The following ATP2B2 variants were observed in gnomAD, a reference collection of about 807,000 sequenced individuals.
The protein encoded by ATP2B2 is plasma membrane calcium-transporting ATPase 2.
Under a neutral mutation model 120.0 loss-of-function variants are expected in ATP2B2, and 15 were observed. The ratio of observed to expected loss-of-function variants is 0.12; its 90% confidence interval spans 0.08 to 0.19. ATP2B2 has a LOEUF of 0.19. Among genes scored for constraint, ATP2B2 ranks in the 10% least tolerant of loss-of-function variants. The pLI is 1.00. For synonymous variants in ATP2B2, 694 were observed against 700.3 expected, an observed-to-expected ratio of 0.99 and a Z score of 0.14; for missense variants, 1,045 against 1,719.8, an observed-to-expected ratio of 0.61 and a Z score of 6.94.
intron 1 of ATP2B2, among the ~76,000 whole-genome samples, chr3:10,479,533 G>A (rs527992749): frequency 6.6e-6 from 1 of 152,022 alleles, no homozygotes; most frequent in African/African-American, 2.4e-5. Context: ...TGGATTGTTT[G>A]ATTTTAGATC....
chr3:10,585,516 A>AAAAAAAAAAAAAAC (rs2068490176), intron 2 of ATP2B2, among the ~76,000 whole-genome samples: 2 of 150,120 alleles, frequency 1.3e-5, no homozygotes, highest in South Asian at 2.1e-4. Flanking sequence ...AAAAAAAAAA[A>AAAAAAAAAAAAAAC]AGATCCAGTG....
chr3:10,695,236 A>AAAGG, intron 1 of ATP2B2, among the ~76,000 whole-genome samples: 1 of 102,518 alleles, frequency 9.8e-6, no homozygotes, highest in Non-Finnish European at 1.8e-5. Flanking sequence ...GGTAGCAGGC[A>AAAGG]AAGGAGGGAG....
chr3:10,443,267 G>C (rs1230560050), intron 2 of ATP2B2, among the ~76,000 whole-genome samples: 1 of 152,048 alleles, frequency 6.6e-6, no homozygotes, highest in African/African-American at 2.4e-5. Flanking sequence ...ACACAGTACA[G>C]ACCTTCCATT....
chr3:10,707,052 G>A (rs1253316549), intron 1 of ATP2B2, among the ~76,000 whole-genome samples: 5 of 152,242 alleles, frequency 3.3e-5, no homozygotes, highest in African/African-American at 1.2e-4. Context: ...GTCCTCCTGA[G>A]GCCTCAGGGC....
chr3:10,521,055 C>T (rs1476657860), intron 3 of ATP2B2, among the ~76,000 whole-genome samples: 4 of 152,224 alleles, frequency 2.6e-5, no homozygotes, highest in Non-Finnish European at 4.4e-5. Flanking sequence ...GTCTGCATTT[C>T]GTGCAAGGTA....
intron 1 of ATP2B2, among the ~76,000 whole-genome samples, chr3:10,674,749 C>T (rs2071201465): frequency 6.6e-6 from 1 of 152,142 alleles, no homozygotes; most frequent in Admixed American, 6.5e-5. Context: ...TTTGAAATGC[C>T]AGTTCATTTC....
At chr3:10,609,898 C>G (rs143551891) in intron 2 of ATP2B2, among the ~76,000 whole-genome samples, 1 of 152,040 alleles carries the variant, frequency 6.6e-6, no homozygotes, top group Non-Finnish European at 1.5e-5. Flanking sequence ...CTCCCTCTCT[C>G]CCATCCTCGG....
Position 10,327,138 on chromosome 3 carries a change from G to C in ATP2B2, c.*1676C>G. The C allele has an allele frequency of 3.5e-6, 1 of 283,400 alleles. No homozygotes were observed. Among genetic ancestry groups the C allele is most frequent in the Non-Finnish European group, 6.5e-6 (1 of 154,280 alleles). 17.6% of individuals were successfully genotyped at this position (283,400 alleles called of 1,614,324 possible). On this transcript the variant is annotated 3_prime_UTR_variant, in exon 23 of 23. Coordinates refer to ENST00000360273, the MANE Select transcript of ATP2B2 (RefSeq NM_001001331.4). Reference sequence around the variant, plus strand: ...AAAGTTCTTTTATGAAAAACGCTGAGACCCACAAAGTGCTTAGCAGTTAAG... The same window carrying C: ...AAAGTTCTTTTATGAAAAACGCTGACACCCACAAAGTGCTTAGCAGTTAAG...
Position 10,375,284 on chromosome 3 carries a change from C to T in ATP2B2, c.1416+146G>A. 2 of 684,380 alleles carry T rather than the reference C, an allele frequency of 2.9e-6. No homozygotes were observed. Among genetic ancestry groups the T allele is most frequent in the Non-Finnish European group, 5.1e-6 (2 of 391,206 alleles). 42.4% of individuals were successfully genotyped at this position (684,380 alleles called of 1,614,324 possible). ...TATGAAAGCGTCAGAGTTTTGGGGT[C>T]CTGCATACATTCTTCTTCCAAGCTC... On this transcript the variant is annotated intron_variant, in intron 11 of 22. Transcript: ENST00000360273. This position sits in a 1 kb window ranked among gnomAD's most constrained non-coding sequence, Gnocchi z 4.2.
At chr3:10,535,385 A>ATGTG (rs34707434) in intron 2 of ATP2B2, among the ~76,000 whole-genome samples, 4,947 of 147,114 alleles carry the variant, frequency 0.034, 97 homozygotes, top group South Asian at 0.072. Context: ...CAGCAGTTTG[A>ATGTG]TGTGTGTGTG....
chr3:10,576,803 G>A (rs537639963), intron 2 of ATP2B2, among the ~76,000 whole-genome samples: 16 of 152,154 alleles, frequency 1.1e-4, no homozygotes, highest in Admixed American at 3.3e-4. Context: ...GGTGGCTCAC[G>A]TCTGTAATCC....
At chr3:10,672,558 T>C (rs1317952390) in intron 1 of ATP2B2, among the ~76,000 whole-genome samples, 1 of 152,218 alleles carries the variant, frequency 6.6e-6, no homozygotes, top group Non-Finnish European at 1.5e-5. Context: ...GGACTAATTA[T>C]TACGCATGCC....
At chr3:10,625,372 G>A (rs558766700) in intron 1 of ATP2B2, among the ~76,000 whole-genome samples, 3 of 152,300 alleles carry the variant, frequency 2.0e-5, no homozygotes, top group South Asian at 4.1e-4. Flanking sequence ...GTGGAGCCAG[G>A]GGGAGGAGTC....
In ATP2B2 at chr3:10,329,198, G is replaced by T. The variant is rs989863733; in HGVS notation, c.3421-73C>A. ...CAGGCTCGGGGGGCTCACAGGAGGG[G>T]CGGGTGGGAGAAGGGTTAGGGCAAA... On this transcript the variant is annotated intron_variant, in intron 22 of 22. Transcript: ENST00000360273. The surrounding 1 kb of genome is among the most constrained non-coding windows in gnomAD (Gnocchi z 5.9). 1 of 1,330,510 alleles carries T rather than the reference G, an allele frequency of 7.5e-7. No homozygotes were observed. 82.4% of individuals were successfully genotyped at this position (1,330,510 alleles called of 1,614,324 possible). A position where few individuals can be genotyped will look rare whatever the true frequency, so the allele number is the denominator to read the frequency against.
chr3:10,432,932 G>GC (rs1399866541), intron 2 of ATP2B2, among the ~76,000 whole-genome samples: 7 of 152,206 alleles, frequency 4.6e-5, no homozygotes, highest in Non-Finnish European at 2.9e-5. Context: ...GGGGGCTCTG[G>GC]CTGGGGTAGG....
At chr3:10,476,240 A>G (rs2065198022) in intron 1 of ATP2B2, among the ~76,000 whole-genome samples, 1 of 152,210 alleles carries the variant, frequency 6.6e-6, no homozygotes, top group East Asian at 1.9e-4. Context: ...GAAGCCGTGG[A>G]GAGCTTCAGA....
chr3:10,520,907 C>T (rs2066972920), intron 3 of ATP2B2, among the ~76,000 whole-genome samples: 1 of 152,166 alleles, frequency 6.6e-6, no homozygotes, highest in Non-Finnish European at 1.5e-5. Context: ...GACTATGTCA[C>T]TGCAGATAAA....
At chr3:10,414,696 AC>A (rs1396061589) in intron 2 of ATP2B2, among the ~76,000 whole-genome samples, 1 of 151,736 alleles carries the variant, frequency 6.6e-6, no homozygotes, top group Admixed American at 6.6e-5. Flanking sequence ...CTAGTTTGAG[AC>A]CCCCAAGGCT....
At chr3:10,629,910 A>G (rs1015157583) in intron 1 of ATP2B2, among the ~76,000 whole-genome samples, 9 of 152,260 alleles carry the variant, frequency 5.9e-5, no homozygotes, top group African/African-American at 2.2e-4. Flanking sequence ...GGAAGGGCTG[A>G]GCCTCTTAGT....
Sources: gnomAD v4.1 joint callset for allele counts (sites outside exome capture counted in the v4.1 genomes callset) on GRCh38, gnomAD v4.1.1 for gene constraint, Gnocchi (gnomAD v3.1) non-coding constraint, MANE v1.5 for transcripts, NCBI Gene and HGNC (gene_info 2026-07-23, HGNC 2026-07-21) for gene names.